GABBR2: variants seen among roughly 807,000 people sequenced by gnomAD.
GABBR2 encodes G-protein coupled receptor 51.
A neutral mutation model predicts 105.6 loss-of-function variants in GABBR2; 23 were observed. The observed-to-expected ratio is 0.22, with a 90% CI of 0.16 to 0.31. The LOEUF is 0.31. Among genes scored for constraint, GABBR2 ranks in the 10% least tolerant of loss-of-function variants. GABBR2 has a pLI of 1.00. For missense variants in GABBR2, 734 were observed against 1,245.5 expected (o/e 0.59, Z 6.18); for synonymous variants, 478 against 499.7 (o/e 0.96, Z 0.58).
At chr9:98,623,716 C>A (rs954414132) in intron 1 of GABBR2, among the ~76,000 whole-genome samples, 1 of 152,202 alleles carries the variant, frequency 6.6e-6, no homozygotes, top group African/African-American at 2.4e-5. Flanking sequence ...AGCTCCTTCT[C>A]TGCCTCTGAC....
intron 1 of GABBR2, among the ~76,000 whole-genome samples, chr9:98,641,065 T>C (rs2131836791): frequency 6.6e-6 from 1 of 151,944 alleles, no homozygotes; most frequent in East Asian, 1.9e-4. Flanking sequence ...CCTCCACCCC[T>C]ATTGAGGCAC....
At chr9:98,698,770 T>C (rs1228365901) in intron 1 of GABBR2, among the ~76,000 whole-genome samples, 1 of 152,102 alleles carries the variant, frequency 6.6e-6, no homozygotes, top group Non-Finnish European at 1.5e-5. Context: ...AGTGCTGGGA[T>C]TACAGGCATG....
chr9:98,700,013 T>C (rs1368024865), intron 1 of GABBR2, among the ~76,000 whole-genome samples: 1 of 152,178 alleles, frequency 6.6e-6, no homozygotes, highest in East Asian at 1.9e-4. Flanking sequence ...CCAAACAACA[T>C]GGAGGATGAC....
At chr9:98,435,970 A>T (rs556535746) in intron 7 of GABBR2, among the ~76,000 whole-genome samples, 1 of 151,942 alleles carries the variant, frequency 6.6e-6, no homozygotes, top group South Asian at 2.1e-4. Flanking sequence ...GGTTATTCGG[A>T]TGATTATCAG....
chr9:98,383,311 TTC>T (rs1832012581), intron 11 of GABBR2, among the ~76,000 whole-genome samples: 1 of 152,176 alleles, frequency 6.6e-6, no homozygotes, highest in Non-Finnish European at 1.5e-5. Flanking sequence ...GAAGCTCAGC[TTC>T]TTTGGAAGCT....
At chr9:98,350,503 T>A (rs947304083) in intron 13 of GABBR2, among the ~76,000 whole-genome samples, 2 of 152,196 alleles carry the variant, frequency 1.3e-5, no homozygotes, top group Non-Finnish European at 2.9e-5. Flanking sequence ...ACCTAACAGT[T>A]GTTTAGGAGT....
intron 7 of GABBR2, among the ~76,000 whole-genome samples, chr9:98,412,802 G>C (rs539210067): frequency 6.6e-6 from 1 of 152,190 alleles, no homozygotes; most frequent in Non-Finnish European, 1.5e-5. Flanking sequence ...CCATTCCGGA[G>C]AGAGCCCTGC....
At chr9:98,594,293 G>A (rs921663376) in intron 1 of GABBR2, among the ~76,000 whole-genome samples, 2 of 152,170 alleles carry the variant, frequency 1.3e-5, no homozygotes, top group East Asian at 3.8e-4. Context: ...CTCCCACCCC[G>A]TGGCTGAGAG....
chr9:98,435,811 AG>A (rs777037707), intron 7 of GABBR2, among the ~76,000 whole-genome samples: 2 of 152,160 alleles, frequency 1.3e-5, no homozygotes, highest in Non-Finnish European at 2.9e-5. Context: ...TCACCTTCTC[AG>A]GGAAGCCTTT....
At chr9:98,502,130 G>A (rs936240935) in intron 3 of GABBR2, among the ~76,000 whole-genome samples, 4 of 152,182 alleles carry the variant, frequency 2.6e-5, no homozygotes, top group Non-Finnish European at 4.4e-5. Flanking sequence ...CAAGACATAG[G>A]GGGAGAAGGG....
chr9:98,423,162 T>C (rs1020805718), intron 7 of GABBR2, among the ~76,000 whole-genome samples: 5 of 152,240 alleles, frequency 3.3e-5, no homozygotes, highest in Admixed American at 2.6e-4. Context: ...GTATTTCTAC[T>C]TCTGGATCCC....
At chr9:98,335,992 C>T (rs952675041) in intron 13 of GABBR2, among the ~76,000 whole-genome samples, 1 of 152,124 alleles carries the variant, frequency 6.6e-6, no homozygotes, top group Non-Finnish European at 1.5e-5. Context: ...TCATGGGGCT[C>T]ACATTCTAGT....
chr9:98,302,999 T>C (rs1830493300), intron 16 of GABBR2: 1 of 467,946 alleles, frequency 2.1e-6, no homozygotes, highest in Non-Finnish European at 3.7e-6. Flanking sequence ...TGGGGATGGC[T>C]TGAATCAGGT....
In GABBR2 at chr9:98,454,563, G is replaced by A. The variant is rs1660942048; in HGVS notation, c.1000-346C>T. On this transcript the variant is annotated intron_variant, in intron 6 of 18. Transcript: ENST00000259455. The surrounding 1 kb of genome is among the most constrained non-coding windows in gnomAD (Gnocchi z 4.6). ...TCTAAACTTGCAGGGCCTGGGGTGA[G>A]GTAGAGGCCCATATCCCGTATGTCT... 1.3e-5 allele frequency among the ~76,000 whole-genome samples: 2 copies of A among 152,196 alleles called. No individual in the cohort carries two copies.
intron 13 of GABBR2, among the ~76,000 whole-genome samples, chr9:98,357,121 G>A (rs1424323976): frequency 1.3e-5 from 2 of 152,166 alleles, no homozygotes; most frequent in South Asian, 2.1e-4. Flanking sequence ...GGCAAAGCCC[G>A]TAGAACAGTG....
chr9:98,538,726 C>T, intron 3 of GABBR2: 1 of 251,786 alleles, frequency 4.0e-6, no homozygotes, highest in Non-Finnish European at 6.3e-6. Context: ...TTCCAGTGCA[C>T]CAGTCCGGAA....
At chr9:98,589,311 T>G (rs191959746) in intron 1 of GABBR2, among the ~76,000 whole-genome samples, 124 of 152,290 alleles carry the variant, frequency 8.1e-4, no homozygotes, top group African/African-American at 2.7e-3. Flanking sequence ...TCAAAGGAAT[T>G]TCCCCAGGGC....
At chr9:98,322,694 A>G (rs1216718701) in intron 13 of GABBR2, among the ~76,000 whole-genome samples, 1 of 150,348 alleles carries the variant, frequency 6.7e-6, no homozygotes, top group Admixed American at 6.6e-5. Context: ...ACAGTCCATC[A>G]TCTCTCCTCC....
chr9:98,608,166 G>A, intron 1 of GABBR2: 2 of 1,146,836 alleles, frequency 1.7e-6, no homozygotes, highest in Non-Finnish European at 1.3e-6. Flanking sequence ...CGTATTAGTT[G>A]CCAATATGCC....
Sources: gnomAD v4.1 joint callset for allele counts (sites outside exome capture counted in the v4.1 genomes callset) on GRCh38, gnomAD v4.1.1 for gene constraint, Gnocchi (gnomAD v3.1) non-coding constraint, MANE v1.5 for transcripts, NCBI Gene and HGNC (gene_info 2026-07-23, HGNC 2026-07-21) for gene names.